Variants in SPOPL observed in about 807,000 individuals in gnomAD.
The protein encoded by SPOPL is speckle-type POZ protein-like.
Under a neutral mutation model 53.8 loss-of-function variants are expected in SPOPL, and 23 were observed. The ratio of observed to expected loss-of-function variants is 0.43; its 90% confidence interval spans 0.31 to 0.61. The LOEUF (loss-of-function observed/expected upper bound fraction) is 0.61. Among genes scored for constraint, SPOPL ranks in the 20% least tolerant of loss-of-function variants. The pLI is 0.12. For synonymous variants in SPOPL, 164 were observed against 149.7 expected, an observed-to-expected ratio of 1.10 and a Z score of -0.70; for missense variants, 442 against 466.9, an observed-to-expected ratio of 0.95 and a Z score of 0.49.
chr2:138,515,952 A>G (rs1415617143), intron 1 of SPOPL, among the ~76,000 whole-genome samples: 2 of 152,232 alleles, frequency 1.3e-5, no homozygotes, highest in Admixed American at 6.5e-5. Context: ...TCACAGGACT[A>G]TTGGAATTAT....
At chr2:138,513,295 G>A (rs531719646) in intron 1 of SPOPL, among the ~76,000 whole-genome samples, 6 of 152,186 alleles carry the variant, frequency 3.9e-5, no homozygotes, top group South Asian at 4.1e-4. Flanking sequence ...GGCCCACGCC[G>A]GTAATCCCAG....
chr2:138,530,146 A>G (rs1359920408), intron 1 of SPOPL, among the ~76,000 whole-genome samples: 1 of 152,192 alleles, frequency 6.6e-6, no homozygotes, highest in Non-Finnish European at 1.5e-5. Flanking sequence ...TGCAAAGGAT[A>G]TGATCTTGTT....
chr2:138,533,110 T>G (rs1341605290), intron 1 of SPOPL, among the ~76,000 whole-genome samples: 1 of 152,222 alleles, frequency 6.6e-6, no homozygotes, highest in South Asian at 2.1e-4. Flanking sequence ...TGTATATGTA[T>G]AAAATTTCCT....
At chr2:138,535,766 T>C (rs371427801) in intron 1 of SPOPL, among the ~76,000 whole-genome samples, 2 of 152,272 alleles carry the variant, frequency 1.3e-5, no homozygotes, top group African/African-American at 4.8e-5. Context: ...ACTCCCATTA[T>C]ATACATGTCA....
At chr2:138,551,175 T>A (rs1325563959) in intron 4 of SPOPL, 121 bp downstream of exon 4, 1 of 1,086,762 alleles carries the variant, frequency 9.2e-7, no homozygotes, top group Non-Finnish European at 1.3e-6. Context: ...AACCTGAAAC[T>A]TTTAATTTGA....
At chr2:138,551,296 C>T (rs1446734373) in intron 4 of SPOPL, among the ~76,000 whole-genome samples, 1 of 151,998 alleles carries the variant, frequency 6.6e-6, no homozygotes, top group African/African-American at 2.4e-5. Context: ...AAATGACATC[C>T]AGTTGTCACT....
chr2:138,555,986 C>T (rs1326028828), intron 5 of SPOPL, among the ~76,000 whole-genome samples: 1 of 151,952 alleles, frequency 6.6e-6, no homozygotes, highest in Admixed American at 6.6e-5. Flanking sequence ...GCATTCATTA[C>T]CTGCATTTGA....
intron 1 of SPOPL, among the ~76,000 whole-genome samples, chr2:138,540,616 T>G (rs1354777359): frequency 1.3e-5 from 2 of 152,248 alleles, no homozygotes; most frequent in Non-Finnish European, 2.9e-5. Context: ...TTGCTGAAGT[T>G]GCTTATCAGC....
At chr2:138,531,902 T>C (rs1412888675) in intron 1 of SPOPL, among the ~76,000 whole-genome samples, 1 of 152,198 alleles carries the variant, frequency 6.6e-6, no homozygotes, top group African/African-American at 2.4e-5. Context: ...TGATAATCTT[T>C]TAGACAGGAT....
chr2:138,515,482 T>C (rs1482611590), intron 1 of SPOPL, among the ~76,000 whole-genome samples: 1 of 152,244 alleles, frequency 6.6e-6, no homozygotes, highest in Non-Finnish European at 1.5e-5. Flanking sequence ...CACAGCATGC[T>C]GTGTGTTTTT....
chr2:138,529,730 C>G (rs1340519730), intron 1 of SPOPL, among the ~76,000 whole-genome samples: 1 of 152,182 alleles, frequency 6.6e-6, no homozygotes, highest in Non-Finnish European at 1.5e-5. Context: ...GTTTTAGAAT[C>G]AACTTGTCAG....
chr2:138,530,369 A>G (rs1684780872), intron 1 of SPOPL, among the ~76,000 whole-genome samples: 1 of 152,120 alleles, frequency 6.6e-6, no homozygotes, highest in Non-Finnish European at 1.5e-5. Context: ...GCTGGGTCGA[A>G]TGGTAGTTAT....
chr2:138,571,032 G>C lies in SPOPL; in HGVS notation c.*1952G>C, dbSNP rs16840732. The C allele has an allele frequency of 2.2e-3, 342 of 152,260 alleles. 3 individuals carry two copies. Among genetic ancestry groups the C allele is most frequent in the African/African-American group, 7.5e-3 (311 of 41,546 alleles). 9.4% of individuals were successfully genotyped at this position (152,260 alleles called of 1,614,324 possible). A position where few individuals can be genotyped will look rare whatever the true frequency, so the allele number is the denominator to read the frequency against. ...ATCCTGTGTAAGAGTATTATGGGAA[G>C]TAGAAATTCACTTCCTTAAATCCAT... On this transcript the variant is annotated 3_prime_UTR_variant, in exon 11 of 11. Transcript: ENST00000280098.
Position 138,560,858 on chromosome 2 carries a change from A to T in SPOPL, c.768A>T (p.Arg256Ser), listed in dbSNP as rs899764272. Residue 256 changes from arginine (R) to serine (S), a missense_variant, in exon 8 of 11, where the codon AGA (arginine) becomes AGT (serine). By Grantham distance (110) the Arg-to-Ser change is moderately radical (BLOSUM62 -1). Coordinates refer to ENST00000280098, the MANE Select transcript of SPOPL (RefSeq NM_001001664.3). ...LDPEVFKEMM[R>S]FIYTGRAPNL... ...CTGAAGTTTTTAAAGAAATGATGAG[A>T]TTCATTTACACAGGGAGAGCACCAA... 1.2e-6 allele frequency: 2 copies of T among 1,610,282 alleles called. No homozygotes were observed. The highest frequency in any genetic ancestry group is 1.7e-6 in the Non-Finnish European group (2 of 1,178,904).
intron 1 of SPOPL, among the ~76,000 whole-genome samples, chr2:138,511,520 C>G (rs1251045123): frequency 6.6e-6 from 1 of 152,176 alleles, no homozygotes; most frequent in Non-Finnish European, 1.5e-5. Flanking sequence ...CATTTTATCT[C>G]ATTTACTTCT....
chr2:138,527,712 C>T (rs1382499287), intron 1 of SPOPL, among the ~76,000 whole-genome samples: 2 of 152,030 alleles, frequency 1.3e-5, no homozygotes, highest in Non-Finnish European at 2.9e-5. Context: ...TAGTTTTCCC[C>T]AAATGTCTGT....
At chr2:138,543,207 T>C (rs1685114319) in intron 1 of SPOPL, among the ~76,000 whole-genome samples, 1 of 152,188 alleles carries the variant, frequency 6.6e-6, no homozygotes, top group African/African-American at 2.4e-5. Flanking sequence ...CTGACAGTTA[T>C]GTGTCTTGGA....
rs1185975129 is a variant in SPOPL at position 138,569,010 on chromosome 2, C to A, written c.1109C>A (p.Ala370Asp). Reference sequence around the variant, plus strand: ...TCTCACCCTCATTTAGTAGCAGAAGCCTTTCGAGCACTAGCATCTGCACAG... The same window carrying A: ...TCTCACCCTCATTTAGTAGCAGAAGACTTTCGAGCACTAGCATCTGCACAG... The part of the protein sequence containing the change: ...IQSHPHLVAE[A>D]FRALASAQCP... The change falls in exon 11 of 11, where the codon GCC becomes GAC. Residue 370 changes from alanine (A) to aspartate (D), a missense_variant. Ala to Asp is a moderately radical substitution (Grantham distance 126). Coordinates refer to ENST00000280098, the MANE Select transcript of SPOPL (RefSeq NM_001001664.3). 1 of 1,614,044 alleles carries A rather than the reference C, an allele frequency of 6.2e-7. No individual in the cohort carries two copies. Among genetic ancestry groups the A allele is most frequent in the Admixed American group, 1.7e-5 (1 of 60,014 alleles).
intron 1 of SPOPL, among the ~76,000 whole-genome samples, chr2:138,535,862 AT>A (rs1235564606): frequency 1.3e-5 from 2 of 151,658 alleles, no homozygotes; most frequent in African/African-American, 2.4e-5. Flanking sequence ...ATCTCTACTG[AT>A]TTGTCTGTAA....
Sources: gnomAD v4.1 joint callset for allele counts (sites outside exome capture counted in the v4.1 genomes callset) on GRCh38, gnomAD v4.1.1 for gene constraint, MANE v1.5 for transcripts, NCBI Gene and HGNC (gene_info 2026-07-23, HGNC 2026-07-21) for gene names.